Variants in DPP6 observed in about 807,000 individuals in gnomAD.
DPP6 encodes A-type potassium channel modulatory protein DPP6.
In DPP6, 69 loss-of-function variants were observed where a neutral mutation model predicts 122.6. The observed-to-expected ratio is 0.56, with a 90% CI of 0.46 to 0.69. DPP6 has a LOEUF of 0.69. Ranked by LOEUF, DPP6 falls within the 30% of genes least tolerant of loss-of-function variation. The pLI is 0.00. For missense variants in DPP6, 928 were observed against 1,116.9 expected, an observed-to-expected ratio of 0.83 and a Z score of 2.41; for synonymous variants, 418 against 433.1, an observed-to-expected ratio of 0.97 and a Z score of 0.43.
intron 1 of DPP6, among the ~76,000 whole-genome samples, chr7:154,343,800 C>G (rs948953562): frequency 6.6e-6 from 1 of 152,250 alleles, no homozygotes; most frequent in Middle Eastern, 3.4e-3. Context: ...AGGCTGGTAT[C>G]GAAATCCTGA....
intron 16 of DPP6, among the ~76,000 whole-genome samples, chr7:154,813,828 GAAAT>G (rs1799231160): frequency 6.8e-6 from 1 of 147,772 alleles, no homozygotes; most frequent in Admixed American, 6.8e-5. Context: ...GGTAGTAAAA[GAAAT>G]AATCTTCTAT....
At chr7:154,064,417 C>T (rs993094294) in intron 1 of DPP6, among the ~76,000 whole-genome samples, 1 of 152,142 alleles carries the variant, frequency 6.6e-6, no homozygotes, top group African/African-American at 2.4e-5. Flanking sequence ...AATTCATGGC[C>T]ATTGAACTTG....
the DPP6 span, among the ~76,000 whole-genome samples, chr7:153,757,802 C>G: frequency 0.026 from 3,885 of 152,098 alleles, 98 homozygotes; most frequent in African/African-American, 0.089. Flanking sequence ...TACTAAAATA[C>G]AAAAATTAGC....
intron 3 of DPP6, among the ~76,000 whole-genome samples, chr7:154,484,467 G>A (rs528389626): frequency 6.6e-6 from 1 of 152,302 alleles, no homozygotes; most frequent in African/African-American, 2.4e-5. Context: ...ATCCTTCAAG[G>A]GGTCCCCTCT....
the DPP6 span, among the ~76,000 whole-genome samples, chr7:153,846,773 A>G: frequency 4.1e-5 from 6 of 146,558 alleles, no homozygotes; most frequent in African/African-American, 1.5e-4. Flanking sequence ...ACTTACTGCA[A>G]GCTCCGCCTC....
At chr7:154,208,447 G>A (rs777424968) in intron 1 of DPP6, among the ~76,000 whole-genome samples, 15 of 152,156 alleles carry the variant, frequency 9.9e-5, no homozygotes, top group South Asian at 2.1e-4. Context: ...CAGACACCCC[G>A]CTGACTCATC....
chr7:154,082,694 C>T (rs1486393831), intron 1 of DPP6, among the ~76,000 whole-genome samples: 1 of 151,954 alleles, frequency 6.6e-6, no homozygotes, highest in East Asian at 1.9e-4. Flanking sequence ...GCTCAGTTTG[C>T]ATTTCAAGGC....
the DPP6 span, among the ~76,000 whole-genome samples, chr7:153,843,223 T>A: frequency 6.6e-6 from 1 of 151,002 alleles, no homozygotes; most frequent in African/African-American, 2.4e-5. Context: ...CACAAATGCA[T>A]ACACGCACAT....
In DPP6 at chr7:154,116,739, G is replaced by A. The variant is rs192112282; in HGVS notation, c.243+63676G>A. On this transcript the variant is annotated intron_variant, in intron 1 of 25. Coordinates refer to ENST00000377770, the MANE Select transcript of DPP6 (RefSeq NM_130797.4). ...TGCTTAGTTTTTAATCAAGCCAAATGTTTGTTTAATCAGATACCTCAATTA... is the reference window on the plus strand; with the variant it reads ...TGCTTAGTTTTTAATCAAGCCAAATATTTGTTTAATCAGATACCTCAATTA... 2.5e-3 allele frequency among the ~76,000 whole-genome samples: 383 copies of A among 152,286 alleles called. 1 individual carries two copies. Among genetic ancestry groups the A allele is most frequent in the African/African-American group, 8.8e-3 (366 of 41,568 alleles).
chr7:153,804,059 T>TTC, the DPP6 span, among the ~76,000 whole-genome samples: 5 of 151,694 alleles, frequency 3.3e-5, no homozygotes, highest in Non-Finnish European at 5.9e-5. Flanking sequence ...AGTACTTTTT[T>TTC]TTTTTTTTGA....
At chr7:154,534,051 G>A (rs1828051777) in intron 3 of DPP6, among the ~76,000 whole-genome samples, 1 of 151,684 alleles carries the variant, frequency 6.6e-6, no homozygotes. Flanking sequence ...TGACCAATGG[G>A]TTTATCTTAG....
At chr7:154,605,876 G>A (rs1440953343) in intron 5 of DPP6, among the ~76,000 whole-genome samples, 1 of 118,868 alleles carries the variant, frequency 8.4e-6, no homozygotes, top group African/African-American at 2.7e-5. Flanking sequence ...GTCTTGATAC[G>A]GAGTGTTCAT....
the DPP6 span, among the ~76,000 whole-genome samples, chr7:153,812,969 G>T: frequency 5.9e-5 from 9 of 152,126 alleles, no homozygotes. Context: ...ATGGGTCATT[G>T]AGGGTATAAA....
chr7:154,051,468 AGGCCG>A (rs1394543535), upstream of DPP6, among the ~76,000 whole-genome samples: 2 of 150,610 alleles, frequency 1.3e-5, no homozygotes, highest in Non-Finnish European at 3.0e-5. Context: ...AAGAGAAGCC[AGGCCG>A]GGCCTGGAGC....
intron 1 of DPP6, among the ~76,000 whole-genome samples, chr7:154,080,803 G>A (rs1180992005): frequency 2.0e-5 from 3 of 152,128 alleles, no homozygotes; most frequent in South Asian, 4.2e-4. Context: ...GAAGCTAACT[G>A]GCTGGTAGGT....
At chr7:154,728,555 G>C (rs943266694) in intron 8 of DPP6, among the ~76,000 whole-genome samples, 4 of 152,216 alleles carry the variant, frequency 2.6e-5, no homozygotes, top group Non-Finnish European at 4.4e-5. Flanking sequence ...GCTATTAGCT[G>C]TCAGGCACTG....
chr7:154,672,712 A>G (rs908265592), intron 7 of DPP6, among the ~76,000 whole-genome samples: 1 of 152,228 alleles, frequency 6.6e-6, no homozygotes, highest in African/African-American at 2.4e-5. Context: ...GTTATGATAC[A>G]TGCATGTACT....
chr7:153,962,839 C>A (rs1795425071), intron 1 of DPP6, among the ~76,000 whole-genome samples: 1 of 152,208 alleles, frequency 6.6e-6, no homozygotes, highest in South Asian at 2.1e-4. Context: ...GTAGCAGTTT[C>A]TTGAATGTAA....
At chr7:154,144,376 A>G (rs574573951) in intron 1 of DPP6, among the ~76,000 whole-genome samples, 16 of 151,826 alleles carry the variant, frequency 1.1e-4, no homozygotes, top group Non-Finnish European at 2.1e-4. Context: ...ATTTTGTGGC[A>G]TATAAAAATC....
Sources: allele counts gnomAD v4.1 joint callset (sites outside exome capture counted in the v4.1 genomes callset), GRCh38; gene constraint gnomAD v4.1.1; transcripts MANE v1.5; gene names NCBI Gene and HGNC (gene_info 2026-07-23, HGNC 2026-07-21).